Variants in ERBB4 observed in about 807,000 individuals in gnomAD.
ERBB4 encodes erb-b2 receptor tyrosine kinase 4.
ERBB4 carries 42 observed loss-of-function variants against 158.0 expected under a neutral mutation model. That is an observed-to-expected ratio of 0.27 (90% CI 0.21 to 0.34). The LOEUF is 0.34. Ranked by LOEUF, ERBB4 falls within the 10% of genes least tolerant of loss-of-function variation. The probability of loss-of-function intolerance (pLI) is 1.00; values close to 1 mark genes in which losing one functional copy is unlikely to be tolerated. For missense variants in ERBB4, 1,333 were observed against 1,624.1 expected, an observed-to-expected ratio of 0.82 and a Z score of 3.08; for synonymous variants, 583 against 558.7, an observed-to-expected ratio of 1.04 and a Z score of -0.61.
At chr2:212,200,000 G>A (rs1035306208) in intron 1 of ERBB4, among the ~76,000 whole-genome samples, 1 of 152,134 alleles carries the variant, frequency 6.6e-6, no homozygotes, top group Admixed American at 6.6e-5. Flanking sequence ...TAGAACTGAA[G>A]AATTTTTAAC....
chr2:211,584,654 TA>T, intron 19 of ERBB4, among the ~76,000 whole-genome samples: 1 of 152,044 alleles, frequency 6.6e-6, no homozygotes, highest in East Asian at 1.9e-4. Flanking sequence ...AATTACATAC[TA>T]TATATGAATA....
chr2:212,463,676 A>G (rs1241675517), intron 1 of ERBB4, among the ~76,000 whole-genome samples: 1 of 152,124 alleles, frequency 6.6e-6, no homozygotes, highest in Non-Finnish European at 1.5e-5. Flanking sequence ...GTAAAATGAT[A>G]CGTTACAATG....
At position 211,383,756 on chromosome 2, in the gene ERBB4, G is replaced by A. The variant is rs1393699739; in HGVS notation, c.3786C>T (p.Tyr1262=). 4.3e-6 allele frequency: 7 copies of A among 1,614,076 alleles called. No homozygotes were observed. The highest frequency in any genetic ancestry group is 2.2e-5 in the East Asian group (1 of 44,878). ...TCTGTTTATAAAAATATTTTGTGCTGTACTCCTGCAGGTAGTCTGGGTGCT... is the reference window on the plus strand; with the variant it reads ...TCTGTTTATAAAAATATTTTGTGCTATACTCCTGCAGGTAGTCTGGGTGCT... ...TLQHPDYLQE[Y]STKYFYKQNG... The change falls in exon 28 of 28, where the codon TAC becomes TAT. Residue 1262 remains tyrosine (Y), a synonymous_variant. Coordinates refer to ENST00000342788, the MANE Select transcript of ERBB4 (RefSeq NM_005235.3).
At chr2:212,169,013 T>A (rs2081431111) in intron 1 of ERBB4, among the ~76,000 whole-genome samples, 1 of 152,212 alleles carries the variant, frequency 6.6e-6, no homozygotes, top group Non-Finnish European at 1.5e-5. Flanking sequence ...ATTTAAATTC[T>A]GATGCTATTC....
intron 1 of ERBB4, among the ~76,000 whole-genome samples, chr2:212,313,676 T>A (rs748740006): frequency 2.0e-5 from 3 of 151,054 alleles, no homozygotes; most frequent in Non-Finnish European, 4.5e-5. Flanking sequence ...TCTCTTAGAA[T>A]GGCATTTTAA....
chr2:211,384,152 G>A, intron 27 of ERBB4, 92 bp from the exon 28 acceptor site: 1 of 898,412 alleles, frequency 1.1e-6, no homozygotes, highest in Admixed American at 2.3e-5. Flanking sequence ...TCTTTGTCTA[G>A]AACAAAAAAA....
At chr2:211,480,581 A>G (rs2065058737) in intron 20 of ERBB4, among the ~76,000 whole-genome samples, 1 of 152,130 alleles carries the variant, frequency 6.6e-6, no homozygotes, top group Non-Finnish European at 1.5e-5. Flanking sequence ...AATGTGAGTC[A>G]ATTGAACCTC....
At chr2:211,611,476 G>A (rs1189136223) in intron 19 of ERBB4, among the ~76,000 whole-genome samples, 1 of 133,850 alleles carries the variant, frequency 7.5e-6, no homozygotes, top group Non-Finnish European at 1.6e-5. Flanking sequence ...CACTCTTTAG[G>A]TCCGCACGTT....
intron 1 of ERBB4, among the ~76,000 whole-genome samples, chr2:212,162,919 A>C (rs1412747112): frequency 2.0e-5 from 3 of 151,960 alleles, no homozygotes; most frequent in Admixed American, 6.6e-5. Context: ...AGCAGCTCTT[A>C]AGTAGTTCTC....
intron 20 of ERBB4, among the ~76,000 whole-genome samples, chr2:211,559,113 T>C (rs1007317076): frequency 1.3e-5 from 2 of 152,056 alleles, no homozygotes; most frequent in Non-Finnish European, 2.9e-5. Flanking sequence ...CTTCACCACC[T>C]CAGGAAATGA....
At chr2:211,515,896 T>TATATATATATATATATA (rs1553555027) in intron 20 of ERBB4, among the ~76,000 whole-genome samples, 3 of 88,946 alleles carry the variant, frequency 3.4e-5, no homozygotes, top group African/African-American at 5.2e-5. Flanking sequence ...AAAACATATA[T>TATATATATATATATATA]TATATATATA....
At chr2:211,925,872 A>G (rs1359924509) in intron 3 of ERBB4, among the ~76,000 whole-genome samples, 1 of 151,808 alleles carries the variant, frequency 6.6e-6, no homozygotes, top group Non-Finnish European at 1.5e-5. Flanking sequence ...AGTGCAATTT[A>G]TTTTAATTGG....
At chr2:211,624,283 T>C (rs2069750812) in intron 17 of ERBB4, among the ~76,000 whole-genome samples, 1 of 152,050 alleles carries the variant, frequency 6.6e-6, no homozygotes. Context: ...CAAACACAAG[T>C]AACAAATGTG....
At chr2:212,008,025 A>G (rs1354678131) in intron 2 of ERBB4, among the ~76,000 whole-genome samples, 1 of 152,060 alleles carries the variant, frequency 6.6e-6, no homozygotes, top group Non-Finnish European at 1.5e-5. Context: ...GAATAAGTGG[A>G]TAACAAACAT....
chr2:211,954,595 T>A (rs1213261013), intron 2 of ERBB4, among the ~76,000 whole-genome samples: 2 of 152,034 alleles, frequency 1.3e-5, no homozygotes, highest in Non-Finnish European at 2.9e-5. Context: ...GTCAATAGAC[T>A]AAGTCAAATA....
Position 211,383,721 on chromosome 2 carries a change from A to C in ERBB4, c.3821T>G (p.Ile1274Ser), listed in dbSNP as rs2125308908. The C allele has an allele frequency of 5.6e-6, 9 of 1,614,094 alleles. No homozygotes were observed. Among genetic ancestry groups the C allele is most frequent in the Non-Finnish European group, 7.6e-6 (9 of 1,179,996 alleles). Residue 1274 changes from isoleucine (I) to serine (S), a missense_variant, in exon 28 of 28, where the codon ATC becomes AGC. Physicochemically the swap from Ile to Ser is moderately radical, Grantham distance 142 (BLOSUM62 -2). Coordinates refer to ENST00000342788, the MANE Select transcript of ERBB4 (RefSeq NM_005235.3). Reference protein sequence around the residue: ...TKYFYKQNGRIRPIVAENPEY... With the variant: ...TKYFYKQNGRSRPIVAENPEY... Reference sequence around the variant, plus strand: ...AGGATTCTCTGCCACAATAGGCCGGATCCGCCCATTCTGTTTATAAAAATA... The same window carrying C: ...AGGATTCTCTGCCACAATAGGCCGGCTCCGCCCATTCTGTTTATAAAAATA...
rs2106037108 is a variant in ERBB4 at position 211,702,112 on chromosome 2, C to T, written c.1344G>A (p.Gln448=). ...TTCCTGCGCTGATTTCCTTCAGGGA[C>T]TGGAACTGTAGAGAGGTGATGCCCT... ...KQQGITSLQF[Q]SLKEISAGNI... Residue 448 remains glutamine (Q), a synonymous_variant, in exon 12 of 28, where the codon CAG becomes CAA. Coordinates refer to ENST00000342788, the MANE Select transcript of ERBB4 (RefSeq NM_005235.3). 1 of 1,614,062 alleles carries T rather than the reference C, an allele frequency of 6.2e-7. No individual in the cohort carries two copies. Among genetic ancestry groups the T allele is most frequent in the Non-Finnish European group, 8.5e-7 (1 of 1,180,000 alleles).
chr2:212,301,185 C>A (rs1160314985), intron 1 of ERBB4, among the ~76,000 whole-genome samples: 4 of 150,780 alleles, frequency 2.7e-5, no homozygotes, highest in Non-Finnish European at 4.5e-5. Flanking sequence ...CAAGGACCTG[C>A]CTTCATCTTA....
chr2:212,386,483 A>G (rs2090678634), intron 1 of ERBB4, among the ~76,000 whole-genome samples: 1 of 151,740 alleles, frequency 6.6e-6, no homozygotes, highest in Non-Finnish European at 1.5e-5. Flanking sequence ...CTCTCTACAT[A>G]TGAACAATTA....
Sources: allele counts gnomAD v4.1 joint callset (sites outside exome capture counted in the v4.1 genomes callset), GRCh38; gene constraint gnomAD v4.1.1; transcripts MANE v1.5; gene names NCBI Gene and HGNC (gene_info 2026-07-23, HGNC 2026-07-21).